VPS13A: variants seen among roughly 807,000 people sequenced by gnomAD.
VPS13A encodes vacuolar protein sorting 13 homolog A, also known as intermembrane lipid transfer protein VPS13A.
A neutral mutation model predicts 390.9 loss-of-function variants in VPS13A; 264 were observed. The ratio of observed to expected loss-of-function variants is 0.68; its 90% CI spans 0.61 to 0.75. The LOEUF is 0.75. Ranked by LOEUF, VPS13A falls within the 30% of genes least tolerant of loss-of-function variation. VPS13A has a pLI of 0.00. For synonymous variants in VPS13A, 1,231 were observed against 1,227.1 expected, an observed-to-expected ratio of 1.00 and a Z score of -0.07; for missense variants, 3,409 against 3,733.9, an observed-to-expected ratio of 0.91 and a Z score of 2.27.
rs73467955 is a variant in VPS13A at position 77,318,559 on chromosome 9, C to T, written c.5281C>T (p.Leu1761=). 180 of 1,613,734 alleles carry T rather than the reference C, an allele frequency of 1.1e-4. No individual in the cohort carries two copies. In the African/African-American group the frequency reaches 2.3e-3, roughly 20 times the overall value. ...AGGGGAAGGCAAAAACTGGAGTTCC[C>T]TAATAAATCTGCACTGTCAGCTTGA... ...FSGEGKNWSS[L]INLHCQLELE... The change falls in exon 41 of 72, where the codon CTA becomes TTA. Residue 1761 remains leucine, a synonymous_variant. Coordinates refer to ENST00000360280, the MANE Select transcript of VPS13A (RefSeq NM_033305.3).
intron 19 of VPS13A, among the ~76,000 whole-genome samples, chr9:77,241,108 C>A (rs1014540726): frequency 5.3e-5 from 8 of 152,220 alleles, no homozygotes; most frequent in South Asian, 4.1e-4. Flanking sequence ...TTCTTAGCCA[C>A]TAACTCTTTA....
chr9:77,276,730 A>T (rs1826693529), intron 26 of VPS13A, among the ~76,000 whole-genome samples: 2 of 152,188 alleles, frequency 1.3e-5, no homozygotes. Flanking sequence ...GTTGCCTGTT[A>T]GCGGATGGCT....
chr9:77,226,231 G>A (rs1052337205), intron 14 of VPS13A, among the ~76,000 whole-genome samples: 1 of 151,994 alleles, frequency 6.6e-6, no homozygotes, highest in African/African-American at 2.4e-5. Flanking sequence ...GAAGGTAAAA[G>A]CCAATTTATT....
rs1431711392 is a variant in VPS13A, at chr9:77,357,855, A to C, written c.7953+17A>C. 4 of 1,608,496 alleles carry C rather than the reference A, an allele frequency of 2.5e-6. No homozygotes were observed. Among genetic ancestry groups the C allele is most frequent in the Admixed American group, 3.3e-5 (2 of 59,910 alleles). On this transcript the variant is annotated intron_variant, in intron 56 of 71. Coordinates refer to ENST00000360280, the MANE Select transcript of VPS13A (RefSeq NM_033305.3). The stretch of plus-strand genomic sequence containing the variant: ...AGAATACAGGTAAGTCTTTCTGAAA[A>C]TATAGGCAAAATTGTATTCTAAAGG...
intron 52 of VPS13A, among the ~76,000 whole-genome samples, chr9:77,345,971 T>G (rs561260482): frequency 2.0e-5 from 3 of 152,206 alleles, no homozygotes; most frequent in African/African-American, 7.2e-5. Flanking sequence ...AATAAGTTGT[T>G]TCTAAACATG....
intron 68 of VPS13A, among the ~76,000 whole-genome samples, chr9:77,401,693 GTTCTT>G (rs1392739033): frequency 5.3e-5 from 8 of 151,978 alleles, no homozygotes; most frequent in Admixed American, 3.9e-4. Context: ...TCTTAAAACA[GTTCTT>G]TTCATCTAAG....
Position 77,268,025 on chromosome 9 carries a change from C to T in VPS13A, c.2428-5255C>T, listed in dbSNP as rs115029428. ...GGTGATTCCCGCTCCCCCCACCAAG[C>T]ATCCCAGGTTGACTTCAGACTGCTG... On this transcript the variant is annotated intron_variant, in intron 23 of 71. Transcript: ENST00000360280. 4.2e-3 allele frequency among the ~76,000 whole-genome samples: 642 copies of T among 152,356 alleles called. 4 individuals are homozygous for T. The highest frequency in any genetic ancestry group is 0.014 in the African/African-American group (566 of 41,586).
At chr9:77,360,978 A>G (rs1251077604) in intron 59 of VPS13A, among the ~76,000 whole-genome samples, 1 of 152,014 alleles carries the variant, frequency 6.6e-6, no homozygotes, top group Non-Finnish European at 1.5e-5. Context: ...TTAATGGGAG[A>G]AAGGATAGGA....
chr9:77,230,014 G>A (rs1160353329), intron 17 of VPS13A, among the ~76,000 whole-genome samples: 1 of 152,048 alleles, frequency 6.6e-6, no homozygotes, highest in Non-Finnish European at 1.5e-5. Flanking sequence ...TTTTCCTGAT[G>A]GCTAAGGATT....
At chr9:77,262,585 C>T (rs936288495) in intron 23 of VPS13A, among the ~76,000 whole-genome samples, 9 of 152,032 alleles carry the variant, frequency 5.9e-5, no homozygotes, top group Non-Finnish European at 7.4e-5. Flanking sequence ...CCTCCCCTAG[C>T]CCCCGACCCC....
In VPS13A at chr9:77,306,069, G is replaced by A. The variant is rs189524352; in HGVS notation, c.3961-1876G>A. 1.5e-3 allele frequency among the ~76,000 whole-genome samples: 231 copies of A among 152,182 alleles called. 1 individual carries two copies. The highest frequency in any genetic ancestry group is 5.3e-3 in the African/African-American group (222 of 41,526). ...TCTTATTATATGAACTCTTTTTGCA[G>A]TGTCTGCTACATAGTTACAAACTAA... is the stretch of plus-strand genomic sequence containing the variant. On this transcript the variant is annotated intron_variant, in intron 34 of 71. Transcript: ENST00000360280.
intron 32 of VPS13A, 113 bp from the exon 33 acceptor site, chr9:77,295,429 T>C (rs964689281): frequency 5.0e-5 from 44 of 874,476 alleles, no homozygotes; most frequent in Non-Finnish European, 6.6e-5. Flanking sequence ...TAATGCTTGG[T>C]TGTATCAAGT....
At chr9:77,317,846 A>T in intron 40 of VPS13A, 148 bp downstream of exon 40, 1 of 524,838 alleles carries the variant, frequency 1.9e-6, no homozygotes, top group Non-Finnish European at 3.3e-6. Flanking sequence ...TTTACAAAGT[A>T]ATATTATTTA....
chr9:77,261,469 A>G (rs1825756994), intron 23 of VPS13A, among the ~76,000 whole-genome samples: 3 of 151,520 alleles, frequency 2.0e-5, no homozygotes, highest in African/African-American at 7.3e-5. Flanking sequence ...ATACATATAT[A>G]TGTGTGTATA....
intron 68 of VPS13A, chr9:77,395,668 C>T (rs1834092851): frequency 6.6e-6 from 1 of 152,050 alleles, no homozygotes; most frequent in Non-Finnish European, 1.5e-5. Flanking sequence ...TAATTATTAG[C>T]ATGGTGCCTA....
chr9:77,196,383 G>T (rs1825003588), intron 1 of VPS13A, among the ~76,000 whole-genome samples: 1 of 152,092 alleles, frequency 6.6e-6, no homozygotes, highest in African/African-American at 2.4e-5. Flanking sequence ...ATACAGTATT[G>T]TTAACCATAG....
intron 23 of VPS13A, among the ~76,000 whole-genome samples, chr9:77,273,049 A>G (rs573498295): frequency 1.2e-3 from 186 of 152,328 alleles, no homozygotes; most frequent in Admixed American, 2.3e-3. Context: ...CATCAAGGAC[A>G]TTATTAAAAC....
chr9:77,180,189 G>GT (rs35203237), intron 1 of VPS13A, among the ~76,000 whole-genome samples: 29,798 of 152,044 alleles, frequency 0.2, 3,107 homozygotes, highest in Middle Eastern at 0.26. Flanking sequence ...TCATGTACAA[G>GT]TTTTTTTGTG....
intron 1 of VPS13A, among the ~76,000 whole-genome samples, chr9:77,182,761 G>T (rs543170882): frequency 1.1e-3 from 173 of 151,662 alleles, no homozygotes; most frequent in Non-Finnish European, 1.9e-3. Flanking sequence ...ATTTTTTTTT[G>T]ATAATGCCTG....
Sources: gnomAD v4.1 joint callset for allele counts (sites outside exome capture counted in the v4.1 genomes callset) on GRCh38, gnomAD v4.1.1 for gene constraint, MANE v1.5 for transcripts, NCBI Gene and HGNC (gene_info 2026-07-23, HGNC 2026-07-21) for gene names.